The following NAV3 variants were observed in gnomAD, a reference collection of about 807,000 sequenced individuals.
NAV3 encodes the protein pore membrane and/or filament interacting like protein 1.
In NAV3, 87 loss-of-function variants were observed where a neutral mutation model predicts 244.7. The ratio of observed to expected loss-of-function variants is 0.36; its 90% CI spans 0.30 to 0.42. The LOEUF (loss-of-function observed/expected upper bound fraction) is 0.42. Ranked by LOEUF, NAV3 falls within the 20% of genes least tolerant of loss-of-function variation. The pLI is 1.00. For synonymous variants in NAV3, 1,126 were observed against 1,042.2 expected, an observed-to-expected ratio of 1.08 and a Z score of -1.55; for missense variants, 2,663 against 2,893.3, an observed-to-expected ratio of 0.92 and a Z score of 1.83.
intron 22 of NAV3, among the ~76,000 whole-genome samples, chr12:78,157,786 T>TGAGA (rs367611002): frequency 6.7e-6 from 1 of 149,104 alleles, no homozygotes; most frequent in Non-Finnish European, 1.5e-5. Flanking sequence ...TGTGTTTGTG[T>TGAGA]GAGAGAGAGA....
At chr12:77,831,771 A>C (rs1274003029) in intron 1 of NAV3, 67 bp downstream of exon 1, 10 of 1,501,376 alleles carry the variant, frequency 6.7e-6, no homozygotes. Flanking sequence ...AGTGCACTAT[A>C]AAACATGTTA....
At chr12:77,857,098 T>A (rs982630502) in intron 1 of NAV3, among the ~76,000 whole-genome samples, 1 of 152,102 alleles carries the variant, frequency 6.6e-6, no homozygotes, top group Non-Finnish European at 1.5e-5. Flanking sequence ...TTCTGATAAA[T>A]TTGGAGGGGA....
At chr12:77,810,339 T>C (rs1163065665) in intron 2 of NAV3, among the ~76,000 whole-genome samples, 1 of 152,064 alleles carries the variant, frequency 6.6e-6, no homozygotes, top group Non-Finnish European at 1.5e-5. Flanking sequence ...GCCGGGCTAA[T>C]TTTTTGTATT....
intron 24 of NAV3, 98 bp from the exon 25 acceptor site, chr12:78,175,208 C>A: frequency 7.5e-7 from 1 of 1,337,338 alleles, no homozygotes; most frequent in Non-Finnish European, 1.0e-6. Flanking sequence ...GCCTTGTTGA[C>A]CTTTATTAGA....
intron 22 of NAV3, among the ~76,000 whole-genome samples, chr12:78,149,208 C>T (rs11108484): frequency 0.03 from 4,494 of 152,144 alleles, 116 homozygotes; most frequent in East Asian, 0.12. Flanking sequence ...TTTATTACTC[C>T]TCTTGCATAA....
intron 2 of NAV3, among the ~76,000 whole-genome samples, chr12:77,652,786 C>A (rs1324750172): frequency 2.0e-5 from 3 of 152,200 alleles, no homozygotes; most frequent in Non-Finnish European, 4.4e-5. Flanking sequence ...AACTCCCATA[C>A]TTCAGCACTG....
At chr12:77,797,524 GTTTTT>G (rs33912743) in intron 2 of NAV3, among the ~76,000 whole-genome samples, 17 of 100,544 alleles carry the variant, frequency 1.7e-4, no homozygotes, top group Non-Finnish European at 1.5e-4. Flanking sequence ...TCTTTAAAAA[GTTTTT>G]TTTTTTTTTT....
chr12:77,633,560 TCAGA>T (rs1336901963), intron 2 of NAV3, among the ~76,000 whole-genome samples: 12 of 152,088 alleles, frequency 7.9e-5, no homozygotes, highest in African/African-American at 2.2e-4. Flanking sequence ...CTAAAAGATC[TCAGA>T]CAGTTTCAAA....
chr12:77,684,922 C>T (rs1216957966), intron 2 of NAV3, among the ~76,000 whole-genome samples: 1 of 152,108 alleles, frequency 6.6e-6, no homozygotes, highest in African/African-American at 2.4e-5. Flanking sequence ...TTTCCTTTCA[C>T]TATTGAATTC....
intron 2 of NAV3, among the ~76,000 whole-genome samples, chr12:77,767,135 C>A (rs1869819020): frequency 6.6e-6 from 1 of 152,034 alleles, no homozygotes; most frequent in Admixed American, 6.6e-5. Flanking sequence ...CAAACCTTGT[C>A]TACTTGTATG....
At chr12:77,924,345 T>C (rs1012099390) in intron 1 of NAV3, among the ~76,000 whole-genome samples, 2 of 152,118 alleles carry the variant, frequency 1.3e-5, no homozygotes, top group African/African-American at 4.8e-5. Context: ...ATCTAGTCCA[T>C]TTTTATCCAC....
At chr12:77,666,151 A>C (rs1473137005) in intron 2 of NAV3, among the ~76,000 whole-genome samples, 2 of 149,570 alleles carry the variant, frequency 1.3e-5, no homozygotes, top group East Asian at 3.9e-4. Context: ...GACATACCCT[A>C]ATTGCTTCCA....
intron 12 of NAV3, among the ~76,000 whole-genome samples, chr12:78,069,524 A>G (rs947095804): frequency 1.3e-5 from 2 of 151,962 alleles, no homozygotes; most frequent in Non-Finnish European, 2.9e-5. Context: ...CTGTATTTAT[A>G]TAATAAATAA....
chr12:77,700,136 G>A (rs1007637283), intron 2 of NAV3, among the ~76,000 whole-genome samples: 6 of 152,102 alleles, frequency 3.9e-5, no homozygotes, highest in Admixed American at 2.0e-4. Context: ...CTATGTTATA[G>A]CTAATTTGTA....
rs770589910 is a variant in NAV3 at position 78,210,392 on chromosome 12, C to T, written c.7039-6C>T. On this transcript the variant is annotated splice_polypyrimidine_tract_variant and splice_region_variant and intron_variant, in intron 39 of 39. Coordinates refer to ENST00000397909, the MANE Select transcript of NAV3 (RefSeq NM_001024383.2). ...GCCTACATCGATGTCTTTTTTCTTT[C>T]TTCAGATGAATATGCTAATGAAACT... 2.5e-5 allele frequency: 40 copies of T among 1,612,286 alleles called. No individual in the cohort carries two copies. The highest frequency in any genetic ancestry group is 3.1e-5 in the Non-Finnish European group (37 of 1,179,494).
Position 77,642,241 on chromosome 12 carries a change from T to C in NAV3, c.72+69975T>C, listed in dbSNP as rs140445641. Among the ~76,000 whole-genome samples, 66 of 152,224 alleles carry C rather than the reference T, an allele frequency of 4.3e-4. 2 individuals carry two copies. The East Asian group carries it at 0.011, about 25-fold the overall frequency. On this transcript the variant is annotated intron_variant, in intron 2 of 8. Coordinates refer to the NAV3 transcript ENST00000550042. ...CCAGGTTGGAAGCCATGATCTGTGATGTCTTTGTCTCCCAAGAGCTCAGTG... is the reference window on the plus strand; with the variant it reads ...CCAGGTTGGAAGCCATGATCTGTGACGTCTTTGTCTCCCAAGAGCTCAGTG...
At chr12:78,037,778 A>C (rs1880164910) in intron 9 of NAV3, among the ~76,000 whole-genome samples, 1 of 152,164 alleles carries the variant, frequency 6.6e-6, no homozygotes, top group Admixed American at 6.6e-5. Context: ...CAGATAAGGG[A>C]TGAATAATGA....
At chr12:77,951,973 T>C (rs1220467459) in intron 3 of NAV3, among the ~76,000 whole-genome samples, 1 of 151,310 alleles carries the variant, frequency 6.6e-6, no homozygotes, top group South Asian at 2.1e-4. Context: ...ATGTAAATGA[T>C]GAGTTAATGG....
At position 77,831,675 on chromosome 12, in the gene NAV3, G is replaced by A. The variant is rs1437844708; in HGVS notation, c.214G>A (p.Gly72Arg). The A allele has an allele frequency of 3.7e-6, 6 of 1,610,830 alleles. No homozygotes were observed. Among genetic ancestry groups the A allele is most frequent in the Non-Finnish European group, 5.1e-6 (6 of 1,179,094 alleles). Reference sequence around the variant, plus strand: ...ATTTGGAGAGAAGAAACCCCTCCAAGGAAAAGCCAAGGAGAAAGAAGACAG... The same window carrying A: ...ATTTGGAGAGAAGAAACCCCTCCAAAGAAAAGCCAAGGAGAAAGAAGACAG... The part of the protein sequence containing the change: ...CEFGEKKPLQ[G>R]KAKEKEDSKI... Residue 72 changes from glycine to arginine, a missense_variant, in exon 1 of 40, where the codon GGA becomes AGA. Gly to Arg is a moderately radical substitution (Grantham distance 125). Around this residue, in one of 6 missense-constraint regions of NAV3, gnomAD observed 1,521 missense variants for 1,497.0 expected, o/e 1.02. Transcript: ENST00000397909.
Sources: allele counts gnomAD v4.1 joint callset (sites outside exome capture counted in the v4.1 genomes callset), GRCh38; gene constraint gnomAD v4.1.1; regional missense constraint gnomAD v4.1.1; transcripts MANE v1.5; gene names NCBI Gene and HGNC (gene_info 2026-07-23, HGNC 2026-07-21).